Variants in PCDHA7 observed in about 807,000 individuals in gnomAD.
PCDHA7 encodes the protein protocadherin alpha-7.
PCDHA7 carries 37 observed loss-of-function variants against 57.2 expected under a neutral mutation model. The observed-to-expected ratio is 0.65, with a 90% CI of 0.50 to 0.85. The LOEUF is 0.85. Ranked by LOEUF, PCDHA7 falls within the 40% of genes least tolerant of loss-of-function variation. The pLI is 0.00. For missense variants in PCDHA7, 1,188 were observed against 1,241.8 expected (o/e 0.96, Z 0.65); for synonymous variants, 553 against 558.8 (o/e 0.99, Z 0.15).
At position 140,870,595 on chromosome 5, in the gene PCDHA7, T is replaced by G. The variant is rs573002634; in HGVS notation, c.2355+33857T>G. ...GTCCTACTCGCTGGTGGAGCGGCGG[T>G]TGGGCGACCGCGCGCTGTCGAGCTA... On this transcript the variant is annotated intron_variant, in intron 1 of 3. Transcript: ENST00000525929. The G allele has an allele frequency of 8.9e-5, 144 of 1,613,242 alleles. No homozygotes were observed. The South Asian group carries it at 9.4e-4, about 11-fold the overall frequency.
intron 1 of PCDHA7, among the ~76,000 whole-genome samples, chr5:140,943,705 C>T (rs528361276): frequency 1.6e-4 from 25 of 152,150 alleles, no homozygotes; most frequent in Middle Eastern, 3.4e-3. Context: ...TATTGTGGAA[C>T]ACATTTAAAG....
intron 1 of PCDHA7, among the ~76,000 whole-genome samples, chr5:140,954,810 A>C (rs1169811573): frequency 6.6e-6 from 1 of 151,948 alleles, no homozygotes; most frequent in Non-Finnish European, 1.5e-5. Context: ...CTTTTGTTGA[A>C]ATTGCTTTAG....
rs115218749 is a variant in PCDHA7, at chr5:140,850,537, G to A, written c.2355+13799G>A. On this transcript the variant is annotated intron_variant, in intron 1 of 3. Transcript: ENST00000525929. ...GGCCAGGCGCCAAAGTCATCGTCGC[G>A]GGCGTCAGTGGGTGCCACGGGCCCC... 5,564 of 1,598,212 alleles carry A rather than the reference G, an allele frequency of 3.5e-3. 468 individuals are homozygous for A. The African/African-American group carries it at 0.059, about 17-fold the overall frequency.
intron 1 of PCDHA7, among the ~76,000 whole-genome samples, chr5:140,965,923 G>T (rs1418904178): frequency 1.3e-5 from 2 of 152,232 alleles, no homozygotes; most frequent in African/African-American, 4.8e-5. Context: ...TTTTAGGCTT[G>T]CTCCCGGAAA....
chr5:140,844,321 A>T lies in PCDHA7; in HGVS notation c.2355+7583A>T, dbSNP rs1407685280. Reference sequence around the variant, plus strand: ...TAGTTTTCATATTCTTCCTAATTTTATTATAAACTAGTTAAAAAGTAAAAT... The same window carrying T: ...TAGTTTTCATATTCTTCCTAATTTTTTTATAAACTAGTTAAAAAGTAAAAT... On this transcript the variant is annotated intron_variant, in intron 1 of 3. Coordinates refer to ENST00000525929, the MANE Select transcript of PCDHA7 (RefSeq NM_018910.3). Among the ~76,000 whole-genome samples the T allele has an allele frequency of 6.0e-5, 9 of 149,650 alleles. 1 individual carries two copies. Among genetic ancestry groups the T allele is most frequent in the African/African-American group, 2.2e-4 (9 of 41,032 alleles).
At chr5:140,869,560 C>T in intron 1 of PCDHA7, 1 of 1,614,158 alleles carries the variant, frequency 6.2e-7, no homozygotes, top group Non-Finnish European at 8.5e-7. Context: ...CTCGCGTTTT[C>T]CACTAGAGGG....
intron 3 of PCDHA7, among the ~76,000 whole-genome samples, chr5:140,996,923 A>G (rs1385919756): frequency 6.6e-6 from 1 of 152,230 alleles, no homozygotes; most frequent in Non-Finnish European, 1.5e-5. Flanking sequence ...ATATTAAAAA[A>G]TATAGCATTT....
intron 1 of PCDHA7, among the ~76,000 whole-genome samples, chr5:140,903,136 A>C (rs1554190778): frequency 6.6e-6 from 1 of 152,212 alleles, no homozygotes; most frequent in Non-Finnish European, 1.5e-5. Flanking sequence ...AGAAATCTCC[A>C]AACTGTTTTC....
At chr5:140,974,905 A>G (rs1276795577) in intron 1 of PCDHA7, among the ~76,000 whole-genome samples, 2 of 152,208 alleles carry the variant, frequency 1.3e-5, no homozygotes, top group African/African-American at 4.8e-5. Context: ...TTTGTAACAA[A>G]TTACCACAAG....
intron 1 of PCDHA7, 40 bp from the exon 2 acceptor site, chr5:140,978,909 C>T: frequency 6.2e-7 from 1 of 1,613,660 alleles, no homozygotes; most frequent in South Asian, 1.1e-5. Context: ...AGAACATTGT[C>T]TTGTCATTTT....
At chr5:140,967,872 A>C (rs2096192784) in intron 1 of PCDHA7, 2 of 1,614,034 alleles carry the variant, frequency 1.2e-6, no homozygotes, top group Non-Finnish European at 1.7e-6. Context: ...GTGCTCACGG[A>C]CCTGTATAGC....
chr5:140,932,406 T>C (rs1235222855), intron 1 of PCDHA7, among the ~76,000 whole-genome samples: 1 of 151,924 alleles, frequency 6.6e-6, no homozygotes, highest in East Asian at 1.9e-4. Flanking sequence ...CATACCAATG[T>C]TATATTAGTG....
intron 1 of PCDHA7, among the ~76,000 whole-genome samples, chr5:140,909,158 A>G (rs2074345366): frequency 6.6e-6 from 1 of 152,338 alleles, no homozygotes; most frequent in Non-Finnish European, 1.5e-5. Flanking sequence ...TATGGAAGGG[A>G]AAATCAATCA....
intron 1 of PCDHA7, among the ~76,000 whole-genome samples, chr5:140,955,135 G>A (rs114298661): frequency 0.017 from 2,539 of 152,204 alleles, 31 homozygotes; most frequent in Middle Eastern, 0.034. Flanking sequence ...TGGTCTACAC[G>A]TCTGTTTTTG....
At chr5:140,955,296 G>A (rs1554221862) in intron 1 of PCDHA7, among the ~76,000 whole-genome samples, 1 of 151,904 alleles carries the variant, frequency 6.6e-6, no homozygotes, top group Admixed American at 6.6e-5. Context: ...GTTTGGCTGT[G>A]TCCCCACCCA....
At chr5:140,900,100 A>G (rs1453942019) in intron 1 of PCDHA7, among the ~76,000 whole-genome samples, 1 of 152,162 alleles carries the variant, frequency 6.6e-6, no homozygotes, top group African/African-American at 2.4e-5. Flanking sequence ...ATGCGCCACC[A>G]TACCTGGCCT....
intron 1 of PCDHA7, chr5:140,869,197 C>T: frequency 6.2e-7 from 1 of 1,614,026 alleles, no homozygotes; most frequent in Non-Finnish European, 8.5e-7. Context: ...CGGCCAGCTC[C>T]ACTACTCCGT....
At chr5:140,909,561 C>G (rs1281989854) in intron 1 of PCDHA7, among the ~76,000 whole-genome samples, 1 of 152,110 alleles carries the variant, frequency 6.6e-6, no homozygotes, top group Non-Finnish European at 1.5e-5. Flanking sequence ...TCTCTGCAAC[C>G]CATCCAGAGA....
intron 1 of PCDHA7, among the ~76,000 whole-genome samples, chr5:140,976,886 AC>A (rs2096735847): frequency 6.6e-6 from 1 of 152,232 alleles, no homozygotes; most frequent in African/African-American, 2.4e-5. Flanking sequence ...GAATTAGGAT[AC>A]ATGCAACAGT....
Sources: allele counts gnomAD v4.1 joint callset (sites outside exome capture counted in the v4.1 genomes callset), GRCh38; gene constraint gnomAD v4.1.1; transcripts MANE v1.5; gene names NCBI Gene and HGNC (gene_info 2026-07-23, HGNC 2026-07-21).